SEZ6: variants seen among roughly 807,000 people sequenced by gnomAD.
SEZ6 encodes seizure related 6 homolog.
A neutral mutation model predicts 101.0 loss-of-function variants in SEZ6; 53 were observed. The observed-to-expected ratio is 0.52, with a 90% CI of 0.42 to 0.66. The LOEUF is 0.66. SEZ6 is among the 30% of genes least tolerant of loss of function. The pLI, the probability that SEZ6 is intolerant of heterozygous loss-of-function variation, is 0.00. For missense variants in SEZ6, 1,102 were observed against 1,289.4 expected (o/e 0.85, Z 2.23); for synonymous variants, 488 against 512.2 (o/e 0.95, Z 0.64).
chr17:28,999,672 G>T (rs1342186241), intron 1 of SEZ6, among the ~76,000 whole-genome samples: 1 of 152,190 alleles, frequency 6.6e-6, no homozygotes, highest in Non-Finnish European at 1.5e-5. Context: ...CAGGTGGAAG[G>T]AAGCTGGGGC....
At chr17:28,998,912 A>G (rs962763446) in intron 1 of SEZ6, among the ~76,000 whole-genome samples, 1 of 152,170 alleles carries the variant, frequency 6.6e-6, no homozygotes, top group Non-Finnish European at 1.5e-5. Flanking sequence ...GCTGGATCAT[A>G]TAGGTGCTGT....
Position 28,959,173 on chromosome 17 carries a change from G to A in SEZ6, c.1959C>T (p.Asp653=). The change falls in exon 10 of 17, where the codon GAC becomes GAT. Residue 653 remains aspartate (D), a synonymous_variant. Transcript: ENST00000317338. This position sits in a 1 kb window ranked among gnomAD's most constrained non-coding sequence, Gnocchi z 4.4. ...ACTGGCCCAGAACCCGGGCCGTCAG[G>A]TCATCCCCATCATAGAAGGTAAGCA... ...GDVLTFYDGD[D]LTARVLGQYS... The A allele has an allele frequency of 3.7e-6, 6 of 1,613,646 alleles. No homozygotes were observed. Among genetic ancestry groups the A allele is most frequent in the Non-Finnish European group, 5.1e-6 (6 of 1,179,728 alleles).
intron 3 of SEZ6, 117 bp downstream of exon 3, chr17:28,979,563 C>T (rs558374492): frequency 1.4e-5 from 21 of 1,451,452 alleles, no homozygotes; most frequent in South Asian, 7.8e-5. Context: ...TGGCCTTAGG[C>T]GATGCCCCAC....
Position 28,969,971 on chromosome 17 carries a change from G to T in SEZ6, c.859-19C>A. 6.6e-7 allele frequency: 1 copy of T among 1,517,062 alleles called. No individual in the cohort carries two copies. Among genetic ancestry groups the T allele is most frequent in the South Asian group, 1.3e-5 (1 of 74,826 alleles). 94.0% of individuals were successfully genotyped at this position (1,517,062 alleles called of 1,614,324 possible). A position where few individuals can be genotyped will look rare whatever the true frequency, so the allele number is the denominator to read the frequency against. Reference sequence around the variant, plus strand: ...TCTGGACCTGTCAGTAGAGTAGAGAGAGAAAAGCAAAGTAGTCAGACTTCT... The same window carrying T: ...TCTGGACCTGTCAGTAGAGTAGAGATAGAAAAGCAAAGTAGTCAGACTTCT... On this transcript the variant is annotated intron_variant, in intron 3 of 16. Transcript: ENST00000317338.
intron 1 of SEZ6, among the ~76,000 whole-genome samples, chr17:28,998,858 C>T (rs111696780): frequency 5.8e-4 from 88 of 152,276 alleles, no homozygotes; most frequent in Non-Finnish European, 9.7e-4. Context: ...AGGCCTTGAG[C>T]GGTCCCTGGC....
At chr17:28,988,262 C>T (rs1366139047) in intron 1 of SEZ6, among the ~76,000 whole-genome samples, 1 of 152,218 alleles carries the variant, frequency 6.6e-6, no homozygotes, top group Non-Finnish European at 1.5e-5. Flanking sequence ...TGGCCCTTCT[C>T]TTGACCTCCT....
At chr17:28,999,380 C>T (rs1359416574) in intron 1 of SEZ6, among the ~76,000 whole-genome samples, 1 of 152,148 alleles carries the variant, frequency 6.6e-6, no homozygotes, top group Admixed American at 6.5e-5. Flanking sequence ...CCTGGCAGAG[C>T]CCCTTGTTCC....
In SEZ6 at chr17:28,959,632, T is replaced by C; in HGVS notation, c.1771+66A>G. On this transcript the variant is annotated intron_variant, in intron 8 of 16. Transcript: ENST00000317338. This position sits in a 1 kb window ranked among gnomAD's most constrained non-coding sequence, Gnocchi z 4.4. The stretch of plus-strand genomic sequence containing the variant: ...ACAGGGCCCCTGTGGCCCCGGGCTC[T>C]GCTGCTATTCTCCTGGTATGACCCT... The C allele has an allele frequency of 6.5e-7, 1 of 1,535,314 alleles. No individual in the cohort carries two copies. The highest frequency in any genetic ancestry group is 8.8e-7 in the Non-Finnish European group (1 of 1,142,270).
intron 3 of SEZ6, among the ~76,000 whole-genome samples, chr17:28,978,535 G>C (rs906302898): frequency 6.6e-6 from 1 of 152,240 alleles, no homozygotes; most frequent in Non-Finnish European, 1.5e-5. Context: ...AGGCATCATG[G>C]GATGACTCTT....
At chr17:28,956,921 C>T (rs1479827568) in intron 13 of SEZ6, 124 bp downstream of exon 13, 1 of 1,352,968 alleles carries the variant, frequency 7.4e-7, no homozygotes, top group East Asian at 2.5e-5. Context: ...CTGGCAGAGA[C>T]TGGGGAGACC....
rs1375773270 is a variant in SEZ6 at position 28,955,902 on chromosome 17, C to G, written c.*60G>C. ...CAGCAGGAAGCAAGGAGCCTTGCTG[C>G]TGGACTGTGGTGCAAGTCTGAGTTG... On this transcript the variant is annotated 3_prime_UTR_variant, in exon 17 of 17. Transcript: ENST00000317338. 1 of 1,579,662 alleles carries G rather than the reference C, an allele frequency of 6.3e-7. No individual in the cohort carries two copies. The highest frequency in any genetic ancestry group is 1.1e-5 in the South Asian group (1 of 87,024).
Position 28,957,055 on chromosome 17 carries a change from G to A in SEZ6, c.2682C>T (p.Ile894=), listed in dbSNP as rs755163850. The change falls in exon 13 of 17, where the codon ATC becomes ATT. Residue 894 remains isoleucine, a synonymous_variant. Coordinates refer to ENST00000317338, the MANE Select transcript of SEZ6 (RefSeq NM_178860.5). The stretch of plus-strand genomic sequence containing the variant: ...TGACAGGGCACTCACCAGCCCTACA[G>A]ATGGGTGGGGGGTCACTCCAATGCG... ...HPSHWSDPPP[I]CRAASLDGFY... 6.3e-7 allele frequency: 1 copy of A among 1,594,716 alleles called. No individual in the cohort carries two copies. The highest frequency in any genetic ancestry group is 8.6e-7 in the Non-Finnish European group (1 of 1,167,728).
At chr17:28,957,008 G>A (rs2040889450) in intron 13 of SEZ6, 37 bp downstream of exon 13, 13 of 1,531,684 alleles carry the variant, frequency 8.5e-6, no homozygotes, top group Non-Finnish European at 1.1e-5. Flanking sequence ...CAGCTCTATG[G>A]GCCAGGGAGG....
At chr17:28,965,473 C>T (rs138707863) in intron 4 of SEZ6, among the ~76,000 whole-genome samples, 1 of 152,024 alleles carries the variant, frequency 6.6e-6, no homozygotes. Context: ...GTCCCCATCT[C>T]TGTAAAAAAT....
intron 1 of SEZ6, among the ~76,000 whole-genome samples, chr17:28,999,794 C>T (rs1035355291): frequency 4.6e-5 from 7 of 152,158 alleles, no homozygotes; most frequent in African/African-American, 1.4e-4. Context: ...TCACAAAGCC[C>T]TCAAAGGACT....
intron 5 of SEZ6, 154 bp downstream of exon 5, chr17:28,963,808 A>G: frequency 1.3e-6 from 1 of 795,872 alleles, no homozygotes; most frequent in Non-Finnish European, 2.0e-6. Flanking sequence ...GATGCTCAAT[A>G]AGTGCAGGTT....
At chr17:28,958,922 C>T in intron 10 of SEZ6, 103 bp downstream of exon 10, 1 of 1,307,448 alleles carries the variant, frequency 7.6e-7, no homozygotes, top group Non-Finnish European at 1.0e-6. Flanking sequence ...GCTTTTCCAG[C>T]TTACTCTTGT....
chr17:28,965,909 T>C (rs927991222), intron 4 of SEZ6, among the ~76,000 whole-genome samples: 5 of 145,462 alleles, frequency 3.4e-5, no homozygotes, highest in African/African-American at 1.3e-4. Context: ...GAGGCTGAGG[T>C]GGACGGATGG....
At chr17:29,003,769 G>T (rs1712216282) in intron 1 of SEZ6, among the ~76,000 whole-genome samples, 1 of 152,198 alleles carries the variant, frequency 6.6e-6, no homozygotes. Context: ...CTTCGGGGCT[G>T]CCTCTTCGTC....
Sources: allele counts gnomAD v4.1 joint callset (sites outside exome capture counted in the v4.1 genomes callset), GRCh38; gene constraint gnomAD v4.1.1; non-coding constraint Gnocchi (gnomAD v3.1); transcripts MANE v1.5; gene names NCBI Gene and HGNC (gene_info 2026-07-23, HGNC 2026-07-21).